STPG2: variants seen among roughly 807,000 people sequenced by gnomAD.
STPG2 encodes sperm tail PG-rich repeat containing 2.
In STPG2, 56 loss-of-function variants were observed where a neutral mutation model predicts 54.2. The observed-to-expected ratio is 1.03, with a 90% CI of 0.83 to 1.29. STPG2 has a LOEUF of 1.29. STPG2 is among the 50% of genes most tolerant of loss of function. The probability of loss-of-function intolerance (pLI) is 0.00; values close to 1 mark genes in which losing one functional copy is unlikely to be tolerated. For synonymous variants in STPG2, 200 were observed against 181.8 expected, an observed-to-expected ratio of 1.10 and a Z score of -0.81; for missense variants, 596 against 544.9, an observed-to-expected ratio of 1.09 and a Z score of -0.93.
At chr4:97,465,369 A>G (rs1484197757) in intron 4 of STPG2, among the ~76,000 whole-genome samples, 2 of 152,166 alleles carry the variant, frequency 1.3e-5, no homozygotes, top group Admixed American at 1.3e-4. Flanking sequence ...TATTGTAAAG[A>G]CAAGAGTGAT....
chr4:97,768,375 A>T (rs1018219832), intron 9 of STPG2, among the ~76,000 whole-genome samples: 1 of 152,194 alleles, frequency 6.6e-6, no homozygotes. Flanking sequence ...GGCCATTCTG[A>T]CAAGCTGAGA....
chr4:97,622,930 A>G (rs1315563260), intron 10 of STPG2, among the ~76,000 whole-genome samples: 1 of 152,146 alleles, frequency 6.6e-6, no homozygotes, highest in Non-Finnish European at 1.5e-5. Context: ...CACATAGACA[A>G]ATGGAACAGA....
At chr4:98,079,959 A>G (rs1738291395) in intron 5 of STPG2, among the ~76,000 whole-genome samples, 1 of 152,140 alleles carries the variant, frequency 6.6e-6, no homozygotes. Flanking sequence ...TGGTCATTTT[A>G]CTTTCGGAAA....
intron 8 of STPG2, among the ~76,000 whole-genome samples, chr4:97,937,361 T>C (rs1732786262): frequency 6.6e-6 from 1 of 152,044 alleles, no homozygotes; most frequent in Non-Finnish European, 1.5e-5. Flanking sequence ...ATTATCCACC[T>C]TTCTAAAGGC....
At chr4:98,049,796 A>C (rs1170591417) in intron 5 of STPG2, among the ~76,000 whole-genome samples, 1 of 152,190 alleles carries the variant, frequency 6.6e-6, no homozygotes, top group Admixed American at 6.5e-5. Context: ...CCAATATTAC[A>C]AAGAGAGAGA....
chr4:98,092,002 T>C (rs1326929292), intron 5 of STPG2, among the ~76,000 whole-genome samples: 1 of 152,028 alleles, frequency 6.6e-6, no homozygotes, highest in East Asian at 1.9e-4. Flanking sequence ...ATACACATCT[T>C]AAAATTTTAC....
At chr4:98,047,985 G>A (rs750576265) in intron 5 of STPG2, among the ~76,000 whole-genome samples, 4 of 152,152 alleles carry the variant, frequency 2.6e-5, no homozygotes, top group Non-Finnish European at 5.9e-5. Context: ...ATAGAGACCG[G>A]AGACAGTATT....
intron 5 of STPG2, among the ~76,000 whole-genome samples, chr4:98,017,329 T>A (rs1273640176): frequency 6.6e-6 from 1 of 152,236 alleles, no homozygotes. Context: ...CCCACTGATG[T>A]TGGCCTGAAG....
chr4:98,036,991 A>T (rs1250344105), intron 5 of STPG2, among the ~76,000 whole-genome samples: 4 of 152,124 alleles, frequency 2.6e-5, no homozygotes, highest in African/African-American at 7.2e-5. Flanking sequence ...AATTAACTTT[A>T]AAAAATAGTA....
intron 8 of STPG2, among the ~76,000 whole-genome samples, chr4:97,904,291 C>A (rs1480687362): frequency 2.0e-5 from 3 of 152,198 alleles, no homozygotes; most frequent in Admixed American, 6.5e-5. Context: ...GGTCCCTGAC[C>A]CCTGACCCCC....
chr4:97,884,204 A>G (rs944863987), intron 8 of STPG2, among the ~76,000 whole-genome samples: 6 of 152,222 alleles, frequency 3.9e-5, no homozygotes, highest in Non-Finnish European at 8.8e-5. Context: ...GTTATAAGCA[A>G]CTGAATCAGA....
At chr4:97,785,498 A>C (rs567905013) in intron 9 of STPG2, among the ~76,000 whole-genome samples, 46 of 152,244 alleles carry the variant, frequency 3.0e-4, no homozygotes, top group Middle Eastern at 3.4e-3. Context: ...AGTAAAATAT[A>C]ATTGTATATA....
chr4:97,777,359 T>C (rs139045369), intron 9 of STPG2, among the ~76,000 whole-genome samples: 297 of 152,332 alleles, frequency 1.9e-3, no homozygotes, highest in African/African-American at 7.0e-3. Flanking sequence ...CAGAAAGGTC[T>C]TATTCTGATG....
intron 8 of STPG2, among the ~76,000 whole-genome samples, chr4:97,894,171 A>G (rs1367906801): frequency 1.3e-5 from 2 of 152,004 alleles, no homozygotes; most frequent in African/African-American, 4.8e-5. Context: ...GAATGAATCC[A>G]GTTCTAAATA....
In STPG2 at chr4:97,534,321, T is replaced by A. The variant is rs994914801; in HGVS notation, c.462+178378A>T. Among the ~76,000 whole-genome samples, 11 of 152,282 alleles carry A rather than the reference T, an allele frequency of 7.2e-5. No homozygotes were observed. In the East Asian group the frequency reaches 1.5e-3, roughly 21 times the overall value. On this transcript the variant is annotated intron_variant, in intron 4 of 4. Transcript: ENST00000522676. ...GAATTCTCTATGTATTTCCATTATA[T>A]GCGGTTTTTCAAGTCTGGAGAAATC...
chr4:98,091,997 C>T (rs540528785), intron 5 of STPG2, among the ~76,000 whole-genome samples: 2 of 152,048 alleles, frequency 1.3e-5, no homozygotes, highest in African/African-American at 4.8e-5. Context: ...ATTTTATACA[C>T]ATCTTAAAAT....
chr4:97,679,646 C>G (rs1396727948), intron 10 of STPG2, among the ~76,000 whole-genome samples: 1 of 152,158 alleles, frequency 6.6e-6, no homozygotes, highest in Non-Finnish European at 1.5e-5. Flanking sequence ...TCCCATTTGT[C>G]AATTTTGGCT....
At chr4:98,090,392 A>G (rs1439489818) in intron 5 of STPG2, among the ~76,000 whole-genome samples, 1 of 151,940 alleles carries the variant, frequency 6.6e-6, no homozygotes, top group Non-Finnish European at 1.5e-5. Context: ...TGGGTTTTCT[A>G]TTCTGTTTCA....
At chr4:97,483,237 A>G (rs1730269914) in intron 4 of STPG2, among the ~76,000 whole-genome samples, 1 of 151,754 alleles carries the variant, frequency 6.6e-6, no homozygotes, top group South Asian at 2.1e-4. Context: ...CTCAATACTA[A>G]CATTCAATAC....
Sources: gnomAD v4.1 joint callset for allele counts (sites outside exome capture counted in the v4.1 genomes callset) on GRCh38, gnomAD v4.1.1 for gene constraint, MANE v1.5 for transcripts, NCBI Gene and HGNC (gene_info 2026-07-23, HGNC 2026-07-21) for gene names.